Variants in SNX29 observed in about 807,000 individuals in gnomAD.
SNX29 encodes the protein sorting nexin 29, also known as sorting nexin-29.
Under a neutral mutation model 102.1 loss-of-function variants are expected in SNX29, and 78 were observed. The ratio of observed to expected loss-of-function variants is 0.76; its 90% CI spans 0.64 to 0.92. The LOEUF (loss-of-function observed/expected upper bound fraction) is 0.92. SNX29 is among the 40% of genes least tolerant of loss of function. The probability of loss-of-function intolerance (pLI) is 0.00; values close to 1 mark genes in which losing one functional copy is unlikely to be tolerated. For missense variants in SNX29, 1,280 were observed against 1,061.7 expected (o/e 1.21, Z -2.86); for synonymous variants, 580 against 414.5 (o/e 1.40, Z -4.85).
Position 12,207,665 on chromosome 16 carries a change from G to T in SNX29, c.1678+7982G>T, listed in dbSNP as rs187012248. Among the ~76,000 whole-genome samples, 147 of 152,150 alleles carry T rather than the reference G, an allele frequency of 9.7e-4. 1 individual carries two copies. Among genetic ancestry groups the T allele is most frequent in the African/African-American group, 3.3e-3 (137 of 41,506 alleles). ...TCCAGTCTCCTTTCCTAGAAACTCC[G>T]CTTCCCTTATGCTTGCTCAGGCCAG... On this transcript the variant is annotated intron_variant, in intron 14 of 20. Coordinates refer to ENST00000566228, the MANE Select transcript of SNX29 (RefSeq NM_032167.5).
intron 20 of SNX29, among the ~76,000 whole-genome samples, chr16:12,536,987 TAAA>T (rs1567669510): frequency 6.6e-6 from 1 of 150,692 alleles, no homozygotes; most frequent in Non-Finnish European, 1.5e-5. Flanking sequence ...CTTAAAAAAA[TAAA>T]ATAAAAAGAG....
At chr16:12,215,155 G>T (rs1408577112) in intron 14 of SNX29, among the ~76,000 whole-genome samples, 1 of 152,126 alleles carries the variant, frequency 6.6e-6, no homozygotes, top group Non-Finnish European at 1.5e-5. Flanking sequence ...GTCCTGTGAG[G>T]TGGGTACTAT....
intron 13 of SNX29, among the ~76,000 whole-genome samples, chr16:12,140,718 G>A (rs1353907506): frequency 6.6e-6 from 1 of 152,164 alleles, no homozygotes; most frequent in Non-Finnish European, 1.5e-5. Context: ...GCGGTAGCCC[G>A]AAGGTCTCTG....
chr16:12,069,237 G>T (rs139149329), intron 10 of SNX29, 105 bp downstream of exon 10: 1 of 935,266 alleles, frequency 1.1e-6, no homozygotes, highest in East Asian at 2.6e-5. Context: ...AGGATTAAAG[G>T]GCAAGGGTTT....
At chr16:12,129,798 G>A in intron 13 of SNX29, 40 bp downstream of exon 13, 2 of 1,558,540 alleles carry the variant, frequency 1.3e-6, no homozygotes, top group Admixed American at 1.9e-5. Flanking sequence ...GCACGTGGGG[G>A]CTTCATTAAA....
intron 4 of SNX29, among the ~76,000 whole-genome samples, chr16:12,037,226 A>G (rs1444499787): frequency 1.3e-5 from 2 of 152,152 alleles, no homozygotes; most frequent in African/African-American, 4.8e-5. Flanking sequence ...CACAGACCAT[A>G]TGGGAGCAAA....
chr16:12,361,445 CT>C (rs1290932907), intron 16 of SNX29, among the ~76,000 whole-genome samples: 1 of 152,232 alleles, frequency 6.6e-6, no homozygotes, highest in African/African-American at 2.4e-5. Context: ...AAATGAATAA[CT>C]GCTGATATTA....
At chr16:12,326,488 C>T (rs2081124005) in intron 15 of SNX29, among the ~76,000 whole-genome samples, 1 of 152,060 alleles carries the variant, frequency 6.6e-6, no homozygotes, top group Admixed American at 6.5e-5. Flanking sequence ...GTGTGATGGC[C>T]ATGTGGTCTC....
intron 18 of SNX29, among the ~76,000 whole-genome samples, chr16:12,459,492 C>T (rs1316864178): frequency 6.6e-6 from 1 of 152,052 alleles, no homozygotes; most frequent in African/African-American, 2.4e-5. Flanking sequence ...TAAAGGAGAA[C>T]TGAAGAAGAG....
intron 8 of SNX29, among the ~76,000 whole-genome samples, chr16:12,055,086 C>T (rs2050464589): frequency 6.6e-6 from 1 of 152,108 alleles, no homozygotes; most frequent in South Asian, 2.1e-4. Flanking sequence ...TCTAGAGAAA[C>T]AGAACCAGTG....
chr16:12,280,335 C>T (rs1408288598), intron 15 of SNX29, among the ~76,000 whole-genome samples: 1 of 152,118 alleles, frequency 6.6e-6, no homozygotes, highest in African/African-American at 2.4e-5. Flanking sequence ...AAATCTCATC[C>T]CCTGCTGTGC....
intron 13 of SNX29, among the ~76,000 whole-genome samples, chr16:12,173,779 C>A (rs1413207691): frequency 6.6e-6 from 1 of 152,106 alleles, no homozygotes; most frequent in Non-Finnish European, 1.5e-5. Context: ...GTGCTGCTGC[C>A]CCTCTGCTTC....
rs2079191625 is a variant in SNX29, at chr16:12,571,730, C to G, written c.*3101C>G. 1 of 1,041,582 alleles carries G rather than the reference C, an allele frequency of 9.6e-7. No homozygotes were observed. Among genetic ancestry groups the G allele is most frequent in the Non-Finnish European group, 1.2e-6 (1 of 858,856 alleles). The allele number at this position is 1,041,582 out of a possible 1,614,324, so 64.5% of individuals were successfully genotyped here. A position where few individuals can be genotyped will look rare whatever the true frequency, so the allele number is the denominator to read the frequency against. ...TCTAAGGGAGGGAGCTTAAAGGCTG[C>G]TAGAAACCTAGCCCAACCATCCACT... On this transcript the variant is annotated 3_prime_UTR_variant, in exon 21 of 21. Transcript: ENST00000566228.
chr16:12,204,662 G>C (rs559037898), intron 14 of SNX29, among the ~76,000 whole-genome samples: 2 of 152,362 alleles, frequency 1.3e-5, no homozygotes, highest in South Asian at 2.1e-4. Flanking sequence ...GGAGGAACTT[G>C]ACAGATGAGG....
At chr16:12,163,179 GC>G (rs1029664956) in intron 13 of SNX29, among the ~76,000 whole-genome samples, 1 of 152,214 alleles carries the variant, frequency 6.6e-6, no homozygotes, top group Non-Finnish European at 1.5e-5. Context: ...ACTGCGTCTG[GC>G]CAGTTGTTGC....
intron 13 of SNX29, among the ~76,000 whole-genome samples, chr16:12,130,474 CAA>C (rs71139578): frequency 5.3e-4 from 30 of 56,138 alleles, no homozygotes; most frequent in Non-Finnish European, 8.8e-4. Flanking sequence ...GACTCCGTCT[CAA>C]AAAAAAAAAA....
chr16:12,414,648 T>C (rs1044237403), intron 18 of SNX29, among the ~76,000 whole-genome samples: 2 of 152,166 alleles, frequency 1.3e-5, no homozygotes, highest in Non-Finnish European at 2.9e-5. Flanking sequence ...AAAGTAGAAG[T>C]CCTGCAAAGA....
chr16:12,133,376 C>T (rs1271545019), intron 13 of SNX29, among the ~76,000 whole-genome samples: 4 of 149,838 alleles, frequency 2.7e-5, no homozygotes, highest in East Asian at 2.0e-4. Context: ...CTGCATCCTC[C>T]GCCTCCTGGG....
At chr16:12,020,666 C>T (rs1198224310) in intron 3 of SNX29, among the ~76,000 whole-genome samples, 3 of 151,750 alleles carry the variant, frequency 2.0e-5, no homozygotes, top group Non-Finnish European at 4.4e-5. Context: ...CTCTGTCCCC[C>T]AGGCTGGAGT....
Sources: allele counts gnomAD v4.1 joint callset (sites outside exome capture counted in the v4.1 genomes callset), GRCh38; gene constraint gnomAD v4.1.1; transcripts MANE v1.5; gene names NCBI Gene and HGNC (gene_info 2026-07-23, HGNC 2026-07-21).